Variants in PRMT8 observed in about 807,000 individuals in gnomAD.
PRMT8 encodes protein arginine N-methyltransferase 8.
A neutral mutation model predicts 47.1 loss-of-function variants in PRMT8; 7 were observed. That is an observed-to-expected ratio of 0.15 (90% confidence interval 0.08 to 0.28). PRMT8 has a LOEUF of 0.28. PRMT8 is among the 10% of genes least tolerant of loss of function. The pLI is 1.00. For missense variants in PRMT8, 237 were observed against 505.4 expected, an observed-to-expected ratio of 0.47 and a Z score of 5.09; for synonymous variants, 188 against 186.5, an observed-to-expected ratio of 1.01 and a Z score of -0.07.
chr12:3,496,481 G>A (rs1187566920), intron 1 of PRMT8, among the ~76,000 whole-genome samples: 1 of 151,592 alleles, frequency 6.6e-6, no homozygotes, highest in Non-Finnish European at 1.5e-5. Flanking sequence ...GGAGGAACCA[G>A]GCATAGTTCT....
At chr12:3,504,454 C>G (rs1161148356) in intron 1 of PRMT8, among the ~76,000 whole-genome samples, 1 of 116,608 alleles carries the variant, frequency 8.6e-6, no homozygotes, top group African/African-American at 2.6e-5. Context: ...TGCTGGAATA[C>G]CCTGCCGTGT....
intron 1 of PRMT8, among the ~76,000 whole-genome samples, chr12:3,392,215 T>C (rs113489416): frequency 6.6e-5 from 10 of 152,094 alleles, no homozygotes; most frequent in African/African-American, 2.4e-4. Flanking sequence ...TTTTTTTAAA[T>C]TTATTATTAT....
At chr12:3,526,476 A>G (rs1275715081) in intron 1 of PRMT8, among the ~76,000 whole-genome samples, 2 of 152,184 alleles carry the variant, frequency 1.3e-5, no homozygotes, top group Non-Finnish European at 2.9e-5. Context: ...TTACACTCTC[A>G]CCAATGGTGC....
intron 1 of PRMT8, among the ~76,000 whole-genome samples, chr12:3,431,857 G>A (rs1336817879): frequency 3.3e-5 from 5 of 152,190 alleles, no homozygotes; most frequent in Non-Finnish European, 7.3e-5. Context: ...GCATCGCAGG[G>A]AGCTGGCTGA....
At chr12:3,443,866 C>T (rs1864829891) in intron 1 of PRMT8, among the ~76,000 whole-genome samples, 1 of 152,164 alleles carries the variant, frequency 6.6e-6, no homozygotes. Context: ...TTGTGTCTGT[C>T]CCCCAAGTTT....
At chr12:3,519,171 G>C (rs768950156) in intron 1 of PRMT8, among the ~76,000 whole-genome samples, 3 of 151,930 alleles carry the variant, frequency 2.0e-5, no homozygotes, top group Non-Finnish European at 4.4e-5. Context: ...GGCTCAGCTC[G>C]TGGCCAGAGA....
chr12:3,396,163 T>C lies in PRMT8; in HGVS notation c.48+14721T>C, dbSNP rs548019095. Among the ~76,000 whole-genome samples the C allele has an allele frequency of 4.9e-3, 749 of 152,344 alleles. 8 individuals carry two copies. The highest frequency in any genetic ancestry group is 0.017 in the African/African-American group (719 of 41,566). ...CACACTGATGGGTCTTGACTCTTTA[T>C]CCAATTTGCCAGTTTGTGTCTTTTA... On this transcript the variant is annotated intron_variant, in intron 1 of 9. Transcript: ENST00000452611.
chr12:3,418,369 G>A (rs892841808), intron 1 of PRMT8, among the ~76,000 whole-genome samples: 3 of 152,166 alleles, frequency 2.0e-5, no homozygotes, highest in Non-Finnish European at 4.4e-5. Context: ...AAGAAAAGGG[G>A]GCATGGCCTG....
Position 3,514,055 on chromosome 12 carries a change from TTTA to T in PRMT8, c.75+22358_75+22360del, listed in dbSNP as rs1337361229. Among the ~76,000 whole-genome samples the T allele has an allele frequency of 6.6e-6, 1 of 151,872 alleles. No individual in the cohort carries two copies. Among genetic ancestry groups the T allele is most frequent in the Non-Finnish European group, 1.5e-5 (1 of 67,948 alleles). On this transcript the variant is annotated intron_variant, in intron 1 of 9. Transcript: ENST00000382622. This position sits in a 1 kb window ranked among gnomAD's most constrained non-coding sequence, Gnocchi z 5.9. ...GCAGAGGCAGGGGGCAGGGGCAGGATTTATTGTGATTGTCCTTTGGAGAGGGAA... is the reference window on the plus strand; with the variant it reads ...GCAGAGGCAGGGGGCAGGGGCAGGATTTGTGATTGTCCTTTGGAGAGGGAA...
chr12:3,588,463 T>C (rs994046103), intron 8 of PRMT8, among the ~76,000 whole-genome samples: 2 of 152,176 alleles, frequency 1.3e-5, no homozygotes, highest in African/African-American at 4.8e-5. Flanking sequence ...CTCAGCTCCC[T>C]GTGTTCCCAA....
chr12:3,435,158 G>A lies in PRMT8; in HGVS notation c.48+53716G>A, dbSNP rs1394220956. On this transcript the variant is annotated intron_variant, in intron 1 of 9. Coordinates refer to the PRMT8 transcript ENST00000452611. The stretch of plus-strand genomic sequence containing the variant: ...TAATTTTTGTATTTTTAGTAGAGAT[G>A]GGGTTTCACCATGTTGGCCAGGCTG... 4.0e-5 allele frequency among the ~76,000 whole-genome samples: 6 copies of A among 151,464 alleles called. No individual in the cohort carries two copies. In the South Asian group the frequency reaches 8.4e-4, roughly 21 times the overall value.
At chr12:3,396,149 G>T (rs1864246829) in intron 1 of PRMT8, among the ~76,000 whole-genome samples, 1 of 152,156 alleles carries the variant, frequency 6.6e-6, no homozygotes, top group South Asian at 2.1e-4. Context: ...ACACTGATGG[G>T]TCTTGACTCT....
intron 1 of PRMT8, among the ~76,000 whole-genome samples, chr12:3,396,244 A>C (rs1864247629): frequency 6.6e-6 from 1 of 152,032 alleles, no homozygotes; most frequent in Non-Finnish European, 1.5e-5. Flanking sequence ...TGTGAATTTG[A>C]TCCTGTCATT....
chr12:3,546,152 T>G (rs1866324867), intron 2 of PRMT8, among the ~76,000 whole-genome samples: 1 of 152,162 alleles, frequency 6.6e-6, no homozygotes, highest in Non-Finnish European at 1.5e-5. Context: ...AACTAAATGA[T>G]AGTGAAAATA....
Position 3,546,435 on chromosome 12 carries a change from GTTAGA to G in PRMT8, c.262-3497_262-3493del, listed in dbSNP as rs572772017. On this transcript the variant is annotated intron_variant, in intron 2 of 9. Transcript: ENST00000382622. Reference sequence around the variant, plus strand: ...AGGCTAATTAAATTGATAATATCTAGTTAGATTAATCAAGAAAAAAAGAGAAAACA... The same window carrying G: ...AGGCTAATTAAATTGATAATATCTAGTTAATCAAGAAAAAAAGAGAAAACA... Among the ~76,000 whole-genome samples the G allele has an allele frequency of 2.0e-3, 307 of 152,180 alleles. 1 individual carries two copies. Among genetic ancestry groups the G allele is most frequent in the African/African-American group, 7.1e-3 (294 of 41,530 alleles).
chr12:3,517,214 T>C (rs908581696), intron 1 of PRMT8, among the ~76,000 whole-genome samples: 3 of 152,138 alleles, frequency 2.0e-5, no homozygotes, highest in African/African-American at 7.2e-5. Flanking sequence ...TCTTGTAAAA[T>C]CGTCATTAAA....
At chr12:3,579,350 AC>A (rs1294351674) in intron 7 of PRMT8, among the ~76,000 whole-genome samples, 1 of 152,122 alleles carries the variant, frequency 6.6e-6, no homozygotes, top group African/African-American at 2.4e-5. Context: ...ACTGCCGGAC[AC>A]GTCAGCCACT....
chr12:3,449,747 CA>C (rs1483962913), intron 1 of PRMT8, among the ~76,000 whole-genome samples: 4 of 152,236 alleles, frequency 2.6e-5, no homozygotes, highest in Non-Finnish European at 5.9e-5. Flanking sequence ...TCCCACTTGT[CA>C]ATTTTTGCTT....
rs78882459 is a variant in PRMT8, at chr12:3,550,399, G to T, written c.417+308G>T. 309 of 311,092 alleles carry T rather than the reference G, an allele frequency of 9.9e-4. 2 individuals carry two copies. The highest frequency in any genetic ancestry group is 5.6e-3 in the African/African-American group (275 of 48,832). 19.3% of individuals were successfully genotyped at this position (311,092 alleles called of 1,614,324 possible). ...AAGGTCAGCTTCAGAGGCAGTGCAGGTGGTTACTCGGGGGAGCTCTGGTTT... is the reference window on the plus strand; with the variant it reads ...AAGGTCAGCTTCAGAGGCAGTGCAGTTGGTTACTCGGGGGAGCTCTGGTTT... On this transcript the variant is annotated intron_variant, in intron 3 of 9. Coordinates refer to ENST00000382622, the MANE Select transcript of PRMT8 (RefSeq NM_019854.5). The surrounding 1 kb of genome is among the most constrained non-coding windows in gnomAD (Gnocchi z 5.1).
Sources: allele counts gnomAD v4.1 joint callset (sites outside exome capture counted in the v4.1 genomes callset), GRCh38; gene constraint gnomAD v4.1.1; non-coding constraint Gnocchi (gnomAD v3.1); transcripts MANE v1.5; gene names NCBI Gene and HGNC (gene_info 2026-07-23, HGNC 2026-07-21).